The following ZNF891 variants were observed in gnomAD, a reference collection of about 807,000 sequenced individuals.
ZNF891 encodes the protein hCG1646157.
For missense variants in ZNF891, 589 were observed against 632.7 expected (o/e 0.93, Z 0.74); for synonymous variants, 199 against 209.0 (o/e 0.95, Z 0.41).
At position 133,107,920 on chromosome 12, in the gene ZNF891, G is replaced by GTGTT; in HGVS notation, c.*12360_*12363dup. 6.6e-6 allele frequency: 1 copy of GTGTT among 152,254 alleles called. No individual in the cohort carries two copies. Among genetic ancestry groups the GTGTT allele is most frequent in the South Asian group, 2.1e-4 (1 of 4,822 alleles). 9.4% of individuals were successfully genotyped at this position (152,254 alleles called of 1,614,324 possible). The stretch of plus-strand genomic sequence containing the variant: ...TGCATTGAGGGCACATTTGTAGGAG[G>GTGTT]TGTTATTAGATAAATATAAGTAATT... On this transcript the variant is annotated 3_prime_UTR_variant, in exon 2 of 2. Coordinates refer to ENST00000537226, the MANE Select transcript of ZNF891 (RefSeq NM_001277291.2).
chr12:133,122,043 G>A lies in ZNF891; in HGVS notation c.-106-19C>T, dbSNP rs1265161349. ...GTTCTCCCTGTAGCCAAAGAAGCAA[G>A]TTCAGGTAAAAGAAGAAAGCTGGAA... On this transcript the variant is annotated intron_variant, in intron 1 of 1. Coordinates refer to ENST00000537226, the MANE Select transcript of ZNF891 (RefSeq NM_001277291.2). 1 of 1,406,278 alleles carries A rather than the reference G, an allele frequency of 7.1e-7. No individual in the cohort carries two copies. Among genetic ancestry groups the A allele is most frequent in the Non-Finnish European group, 9.2e-7 (1 of 1,084,410 alleles). 87.1% of individuals were successfully genotyped at this position (1,406,278 alleles called of 1,614,324 possible).
chr12:133,109,899 A>C lies in ZNF891; in HGVS notation c.*10385T>G, dbSNP rs1005862807. On this transcript the variant is annotated 3_prime_UTR_variant, in exon 2 of 2. Coordinates refer to ENST00000537226, the MANE Select transcript of ZNF891 (RefSeq NM_001277291.2). ...GCTTAGAAAAATAAGAATATGCAAC[A>C]GTTACCATATATGGCCTGCAAAACC... 1 of 149,870 alleles carries C rather than the reference A, an allele frequency of 6.7e-6. No individual in the cohort carries two copies. Among genetic ancestry groups the C allele is most frequent in the South Asian group, 2.1e-4 (1 of 4,832 alleles). The allele number at this position is 149,870 out of a possible 1,614,324, so 9.3% of individuals were successfully genotyped here.
In ZNF891 at chr12:133,120,741, G is replaced by A. The variant is rs1216812706; in HGVS notation, c.1178C>T (p.Ala393Val). The A allele has an allele frequency of 8.3e-6, 13 of 1,565,504 alleles. No individual in the cohort carries two copies. Among genetic ancestry groups the A allele is most frequent in the Non-Finnish European group, 1.1e-5 (13 of 1,156,414 alleles). Residue 393 changes from alanine to valine, a missense_variant, in exon 2 of 2, where the codon GCT (alanine) becomes GTT (valine). Physicochemically the swap from Ala to Val is moderately conservative, Grantham distance 64 (BLOSUM62 0). Transcript: ENST00000537226. The part of the protein sequence containing the change: ...KAFSQKTSLK[A>V]HMRTHTGEKP... ...CTCTCCAGTGTGAGTTCTCATGTGA[G>A]CCTTAAGGGATGTTTTTTGACTGAA...
Position 133,106,687 on chromosome 12 carries a change from A to T in ZNF891, c.*13597T>A. 6.7e-7 allele frequency: 1 copy of T among 1,501,160 alleles called. No individual in the cohort carries two copies. The highest frequency in any genetic ancestry group is 8.9e-7 in the Non-Finnish European group (1 of 1,127,372). 93.0% of individuals were successfully genotyped at this position (1,501,160 alleles called of 1,614,324 possible). On this transcript the variant is annotated 3_prime_UTR_variant, in exon 2 of 2. Transcript: ENST00000537226. ...CAAAGAAAAACTATGAATGTATGGA[A>T]TTTTTTAAAAAGAAGTATAATGCCT...
Position 133,120,179 on chromosome 12 carries a change from A to G in ZNF891, c.*105T>C. The G allele has an allele frequency of 1.2e-6, 1 of 847,358 alleles. No homozygotes were observed. Among genetic ancestry groups the G allele is most frequent in the Non-Finnish European group, 1.7e-6 (1 of 583,762 alleles). 52.5% of individuals were successfully genotyped at this position (847,358 alleles called of 1,614,324 possible). On this transcript the variant is annotated 3_prime_UTR_variant, in exon 2 of 2. Transcript: ENST00000537226. ...ACAGAAAATGTTATATTAAAAAAAGAGCCATTTGTAACCTTAAATCGTTCT... is the reference window on the plus strand; with the variant it reads ...ACAGAAAATGTTATATTAAAAAAAGGGCCATTTGTAACCTTAAATCGTTCT...
chr12:133,105,801 C>T lies in ZNF891; in HGVS notation c.*14483G>A, dbSNP rs1955570244. ...GGAAAAACTTTTGGTCGACGCTTTT[C>T]CCTGGTGTTACACCAGAGGACTCAT... On this transcript the variant is annotated 3_prime_UTR_variant, in exon 2 of 2. Coordinates refer to ENST00000537226, the MANE Select transcript of ZNF891 (RefSeq NM_001277291.2). 3 of 1,614,176 alleles carry T rather than the reference C, an allele frequency of 1.9e-6. No individual in the cohort carries two copies. Among genetic ancestry groups the T allele is most frequent in the Admixed American group, 1.7e-5 (1 of 60,028 alleles).
At position 133,126,209 on chromosome 12, in the gene ZNF891, C is replaced by T. The variant is rs7973403; in HGVS notation, c.-107+4018G>A. Among the ~76,000 whole-genome samples the T allele has an allele frequency of 8.2e-3, 1,248 of 151,838 alleles. 20 individuals carry two copies. Among genetic ancestry groups the T allele is most frequent in the African/African-American group, 0.029 (1,196 of 41,402 alleles). On this transcript the variant is annotated intron_variant, in intron 1 of 1. Transcript: ENST00000537226. ...AAGGGTTAAAAGATAAACTTAGGGCCGGGCACGGAGGCTCATGCCTGAAAT... is the reference window on the plus strand; with the variant it reads ...AAGGGTTAAAAGATAAACTTAGGGCTGGGCACGGAGGCTCATGCCTGAAAT...
At position 133,118,181 on chromosome 12, in the gene ZNF891, C is replaced by T. The variant is rs1478439939; in HGVS notation, c.*2103G>A. The T allele has an allele frequency of 1.3e-5, 2 of 152,108 alleles. No homozygotes were observed. The highest frequency in any genetic ancestry group is 4.8e-5 in the African/African-American group (2 of 41,406). 9.4% of individuals were successfully genotyped at this position (152,108 alleles called of 1,614,324 possible). A position where few individuals can be genotyped will look rare whatever the true frequency, so the allele number is the denominator to read the frequency against. ...GATGGTCTCGATCTGACCTTGTGAT[C>T]CGCCTGCCTCAGCCTCTCAAAGTGC... On this transcript the variant is annotated 3_prime_UTR_variant, in exon 2 of 2. Coordinates refer to ENST00000537226, the MANE Select transcript of ZNF891 (RefSeq NM_001277291.2).
At position 133,120,290 on chromosome 12, in the gene ZNF891, G is replaced by A. The variant is rs542749830; in HGVS notation, c.1629C>T (p.Thr543=). 3 of 1,531,426 alleles carry A rather than the reference G, an allele frequency of 2.0e-6. No individual in the cohort carries two copies. Among genetic ancestry groups the A allele is most frequent in the Admixed American group, 2.0e-5 (1 of 50,364 alleles). 94.9% of individuals were successfully genotyped at this position (1,531,426 alleles called of 1,614,324 possible). A position where few individuals can be genotyped will look rare whatever the true frequency, so the allele number is the denominator to read the frequency against. Residue 543 remains threonine (T), a synonymous_variant, in exon 2 of 2, where the codon ACC becomes ACT. Coordinates refer to ENST00000537226, the MANE Select transcript of ZNF891 (RefSeq NM_001277291.2). Reference sequence around the variant, plus strand: ...AATTCCACATTCATAACACTTACAGGGTTTCTCTCTCAGTATGAATTCTCT... The same window carrying A: ...AATTCCACATTCATAACACTTACAGAGTTTCTCTCTCAGTATGAATTCTCT... ...IHKRIHTERE[T]L
At position 133,105,149 on chromosome 12, in the gene ZNF891, T is replaced by TA. The variant is rs1955543299; in HGVS notation, c.*15134dup. On this transcript the variant is annotated 3_prime_UTR_variant, in exon 2 of 2. Transcript: ENST00000537226. Reference sequence around the variant, plus strand: ...GTCTTTGTGCAATCTGACGAACACTTAGTGTTTAGTAGCAGCATTATGAAA... The same window carrying TA: ...GTCTTTGTGCAATCTGACGAACACTTAAGTGTTTAGTAGCAGCATTATGAAA... Among the ~76,000 whole-genome samples, 1 of 152,198 alleles carries TA rather than the reference T, an allele frequency of 6.6e-6. No individual in the cohort carries two copies. Among genetic ancestry groups the TA allele is most frequent in the South Asian group, 2.1e-4 (1 of 4,832 alleles).
chr12:133,105,456 A>C lies in ZNF891; in HGVS notation c.*14828T>G. 1 of 1,480,242 alleles carries C rather than the reference A, an allele frequency of 6.8e-7. No individual in the cohort carries two copies. The highest frequency in any genetic ancestry group is 9.0e-7 in the Non-Finnish European group (1 of 1,113,926). 91.7% of individuals were successfully genotyped at this position (1,480,242 alleles called of 1,614,324 possible). On this transcript the variant is annotated 3_prime_UTR_variant, in exon 2 of 2. Transcript: ENST00000537226. ...TGCTAAAGAAGGGAGAAATGGCCTT[A>C]TTTTATTCAATACAGGAAAAAGAAA...
intron 1 of ZNF891, among the ~76,000 whole-genome samples, chr12:133,127,530 C>G (rs929644158): frequency 1.3e-5 from 2 of 152,116 alleles, no homozygotes; most frequent in African/African-American, 4.8e-5. Context: ...GATGTGTATA[C>G]TCGGTGAAAA....
At position 133,114,538 on chromosome 12, in the gene ZNF891, A is replaced by C. The variant is rs1055675554; in HGVS notation, c.*5746T>G. On this transcript the variant is annotated 3_prime_UTR_variant, in exon 2 of 2. Transcript: ENST00000537226. ...AATGGTAAGTAAAAGAAAAGGCACAAAATTTGCTGAAGAACCGTAAATATT... is the reference window on the plus strand; with the variant it reads ...AATGGTAAGTAAAAGAAAAGGCACACAATTTGCTGAAGAACCGTAAATATT... 29 of 152,230 alleles carry C rather than the reference A, an allele frequency of 1.9e-4. No individual in the cohort carries two copies. The highest frequency in any genetic ancestry group is 7.0e-4 in the African/African-American group (29 of 41,456). 9.4% of individuals were successfully genotyped at this position (152,230 alleles called of 1,614,324 possible).
Position 133,106,576 on chromosome 12 carries a change from GAC to G in ZNF891, c.*13706_*13707del, listed in dbSNP as rs748726814. ...GCTCAAACCTTGCTAAACATCAGAGGACACACACTCTTGACAACCCCTATGAA... is the reference window on the plus strand; with the variant it reads ...GCTCAAACCTTGCTAAACATCAGAGGACACACTCTTGACAACCCCTATGAA... On this transcript the variant is annotated 3_prime_UTR_variant, in exon 2 of 2. Coordinates refer to ENST00000537226, the MANE Select transcript of ZNF891 (RefSeq NM_001277291.2). The G allele has an allele frequency of 3.1e-6, 5 of 1,613,436 alleles. No individual in the cohort carries two copies. The Admixed American group carries it at 5.0e-5, about 16-fold the overall frequency.
At position 133,106,709 on chromosome 12, in the gene ZNF891, GC is replaced by G. The variant is rs2137599449; in HGVS notation, c.*13574del. 7.1e-7 allele frequency: 1 copy of G among 1,415,802 alleles called. No homozygotes were observed. Among genetic ancestry groups the G allele is most frequent in the African/African-American group, 1.4e-5 (1 of 69,882 alleles). 87.7% of individuals were successfully genotyped at this position (1,415,802 alleles called of 1,614,324 possible). Reference sequence around the variant, plus strand: ...GGAATTTTTTAAAAAGAAGTATAATGCCTTACTTCAGAGAACTCTTGGAAAG... The same window carrying G: ...GGAATTTTTTAAAAAGAAGTATAATGCTTACTTCAGAGAACTCTTGGAAAG... On this transcript the variant is annotated 3_prime_UTR_variant, in exon 2 of 2. Coordinates refer to ENST00000537226, the MANE Select transcript of ZNF891 (RefSeq NM_001277291.2).
In ZNF891 at chr12:133,108,024, A is replaced by C. The variant is rs1350018193; in HGVS notation, c.*12260T>G. The C allele has an allele frequency of 1.3e-5, 2 of 152,254 alleles. No homozygotes were observed. Among genetic ancestry groups the C allele is most frequent in the African/African-American group, 4.8e-5 (2 of 41,472 alleles). 9.4% of individuals were successfully genotyped at this position (152,254 alleles called of 1,614,324 possible). On this transcript the variant is annotated 3_prime_UTR_variant, in exon 2 of 2. Transcript: ENST00000537226. ...GTACTAGAGTTCTAAATACATTATC[A>C]GAAGTGTATTTCCTCAAACCTGCCA...
rs1003391241 is a variant in ZNF891, at chr12:133,111,649, C to T, written c.*8635G>A. ...TAGAAAAATCAAAACTCCCATGAAACTGTGCTCATAGGTAGAAAATATAAT... is the reference window on the plus strand; with the variant it reads ...TAGAAAAATCAAAACTCCCATGAAATTGTGCTCATAGGTAGAAAATATAAT... On this transcript the variant is annotated 3_prime_UTR_variant, in exon 2 of 2. Coordinates refer to ENST00000537226, the MANE Select transcript of ZNF891 (RefSeq NM_001277291.2). 3.3e-5 allele frequency: 5 copies of T among 152,100 alleles called. No individual in the cohort carries two copies. The highest frequency in any genetic ancestry group is 1.2e-4 in the African/African-American group (5 of 41,426). The allele number at this position is 152,100 out of a possible 1,614,324, so 9.4% of individuals were successfully genotyped here.
At position 133,105,391 on chromosome 12, in the gene ZNF891, A is replaced by G. The variant is rs948795392; in HGVS notation, c.*14893T>C. On this transcript the variant is annotated 3_prime_UTR_variant, in exon 2 of 2. Coordinates refer to ENST00000537226, the MANE Select transcript of ZNF891 (RefSeq NM_001277291.2). ...TACTCAGATTTCAGTCACAGCTGTG[A>G]AAGCTGCTATTGATAAGATTTTTTG... The G allele has an allele frequency of 7.2e-5, 75 of 1,044,796 alleles. No homozygotes were observed. The African/African-American group carries it at 1.0e-3, about 14-fold the overall frequency. 64.7% of individuals were successfully genotyped at this position (1,044,796 alleles called of 1,614,324 possible).
At position 133,113,274 on chromosome 12, in the gene ZNF891, A is replaced by G. The variant is rs1462539056; in HGVS notation, c.*7010T>C. The G allele has an allele frequency of 6.6e-6, 1 of 151,986 alleles. No homozygotes were observed. The highest frequency in any genetic ancestry group is 2.4e-5 in the African/African-American group (1 of 41,418). The allele number at this position is 151,986 out of a possible 1,614,324, so 9.4% of individuals were successfully genotyped here. ...TTATTAAAAAGTTAATGATAGAATT[A>G]TTTTTAAGAAATAGACCACAGCTCT... On this transcript the variant is annotated 3_prime_UTR_variant, in exon 2 of 2. Transcript: ENST00000537226.
Sources: allele counts gnomAD v4.1 joint callset (sites outside exome capture counted in the v4.1 genomes callset), GRCh38; gene constraint gnomAD v4.1.1; transcripts MANE v1.5; gene names NCBI Gene and HGNC (gene_info 2026-07-23, HGNC 2026-07-21).